Variants in OTUD7A observed in about 807,000 individuals in gnomAD.
OTUD7A encodes the protein OTU deubiquitinase 7A, also known as OTU domain-containing protein 7A.
Under a neutral mutation model 65.7 loss-of-function variants are expected in OTUD7A, and 12 were observed. The ratio of observed to expected loss-of-function variants is 0.18; its 90% confidence interval spans 0.12 to 0.30. The LOEUF is 0.30. Among genes scored for constraint, OTUD7A ranks in the 10% least tolerant of loss-of-function variants. OTUD7A has a pLI of 1.00. For synonymous variants in OTUD7A, 641 were observed against 586.3 expected (o/e 1.09, Z -1.35); for missense variants, 1,148 against 1,304.8 (o/e 0.88, Z 1.85).
chr15:31,592,528 C>T (rs945284424), intron 3 of OTUD7A, among the ~76,000 whole-genome samples: 1 of 152,080 alleles, frequency 6.6e-6, no homozygotes, highest in Non-Finnish European at 1.5e-5. Context: ...ATAACAATGT[C>T]TTCTTCTGGA....
At chr15:31,854,217 C>T (rs762484774) in intron 1 of OTUD7A, among the ~76,000 whole-genome samples, 5 of 152,104 alleles carry the variant, frequency 3.3e-5, no homozygotes, top group Non-Finnish European at 5.9e-5. Flanking sequence ...CTTATGGACC[C>T]CTTCCAGGAA....
In OTUD7A at chr15:31,570,066, G is replaced by C. The variant is rs373392736; in HGVS notation, c.283C>G (p.His95Asp). Residue 95 changes from histidine (H) to aspartate (D), a missense_variant, in exon 4 of 13, where the codon CAC (histidine) becomes GAC (aspartate). By Grantham distance (81) the His-to-Asp change is moderately conservative. Around this residue, in one of 6 missense-constraint regions of OTUD7A, gnomAD observed 51 missense variants for 46.9 expected, o/e 1.09. Coordinates refer to ENST00000307050, the MANE Select transcript of OTUD7A (RefSeq NM_001382637.1). Reference protein sequence around the residue: ...KQPEREPQPGHKVERPCLQRQ... With the variant: ...KQPEREPQPGDKVERPCLQRQ... ...TGCAGGCAGGGTCGCTCCACCTTGTGCCCGGGCTGTGGCTCTCGCTCTGGC... is the reference window on the plus strand; with the variant it reads ...TGCAGGCAGGGTCGCTCCACCTTGTCCCCGGGCTGTGGCTCTCGCTCTGGC... 1.2e-6 allele frequency: 2 copies of C among 1,614,208 alleles called. No individual in the cohort carries two copies. The highest frequency in any genetic ancestry group is 3.3e-5 in the Admixed American group (2 of 60,030).
intron 3 of OTUD7A, among the ~76,000 whole-genome samples, chr15:31,627,320 T>A (rs1890991257): frequency 7.0e-6 from 1 of 142,044 alleles, no homozygotes; most frequent in Non-Finnish European, 1.5e-5. Flanking sequence ...AATTCCCACC[T>A]ATGAGTGAGA....
chr15:31,518,876 T>A (rs1382848605), intron 8 of OTUD7A, among the ~76,000 whole-genome samples: 1 of 152,182 alleles, frequency 6.6e-6, no homozygotes, highest in Non-Finnish European at 1.5e-5. Flanking sequence ...TACAAAAGAC[T>A]CTCCAAAGGC....
intron 1 of OTUD7A, among the ~76,000 whole-genome samples, chr15:31,820,140 C>G (rs1896643757): frequency 6.6e-6 from 1 of 152,130 alleles, no homozygotes; most frequent in African/African-American, 2.4e-5. Context: ...CAATGGAAAG[C>G]TAATAATAGC....
chr15:31,522,366 C>G (rs555076895), intron 8 of OTUD7A, among the ~76,000 whole-genome samples: 1 of 152,302 alleles, frequency 6.6e-6, no homozygotes, highest in Admixed American at 6.5e-5. Context: ...CCTTCAGATT[C>G]AGACTGGATC....
At position 31,786,743 on chromosome 15, in the gene OTUD7A, A is replaced by G. The variant is rs528761317; in HGVS notation, c.-100+83764T>C. ...AGGTATAGTTGCCTTGATCTGGGAA[A>G]GGGAGGTGTAAGCAGGTCTCCCCCT... On this transcript the variant is annotated intron_variant, in intron 1 of 12. Transcript: ENST00000307050. 3.9e-5 allele frequency among the ~76,000 whole-genome samples: 6 copies of G among 152,284 alleles called. No individual in the cohort carries two copies. The South Asian group carries it at 1.2e-3, about 32-fold the overall frequency.
chr15:31,626,446 G>T (rs999186908), intron 3 of OTUD7A, among the ~76,000 whole-genome samples: 20 of 152,134 alleles, frequency 1.3e-4, no homozygotes, highest in African/African-American at 4.8e-4. Context: ...TTGCATGTTT[G>T]AAAAATTTAA....
chr15:31,548,792 A>C (rs1355807660), intron 5 of OTUD7A, among the ~76,000 whole-genome samples: 1 of 152,130 alleles, frequency 6.6e-6, no homozygotes, highest in Non-Finnish European at 1.5e-5. Flanking sequence ...AAAGGGTATG[A>C]TATCTTTGGA....
intron 1 of OTUD7A, among the ~76,000 whole-genome samples, chr15:31,728,772 A>G (rs981988326): frequency 6.6e-6 from 1 of 152,204 alleles, no homozygotes; most frequent in Non-Finnish European, 1.5e-5. Flanking sequence ...TATGCTTCAC[A>G]TTCATTGCAA....
chr15:31,780,855 G>C (rs1405548044), intron 1 of OTUD7A, among the ~76,000 whole-genome samples: 4 of 152,202 alleles, frequency 2.6e-5, no homozygotes. Context: ...TGTCTTGCAT[G>C]TTCATGTTCT....
At chr15:31,731,619 G>C (rs924529334) in intron 1 of OTUD7A, among the ~76,000 whole-genome samples, 1 of 152,176 alleles carries the variant, frequency 6.6e-6, no homozygotes, top group African/African-American at 2.4e-5. Context: ...ATACCATAAT[G>C]GTAGATGCAT....
chr15:31,728,994 A>C (rs1032492155), intron 1 of OTUD7A, among the ~76,000 whole-genome samples: 20 of 152,290 alleles, frequency 1.3e-4, no homozygotes, highest in African/African-American at 4.8e-4. Flanking sequence ...CCAGGGTCTG[A>C]AAATAGGTGA....
chr15:31,602,034 A>G (rs1172233706), intron 3 of OTUD7A, among the ~76,000 whole-genome samples: 1 of 152,230 alleles, frequency 6.6e-6, no homozygotes, highest in African/African-American at 2.4e-5. Flanking sequence ...TACAAAGAGG[A>G]GCTGGTACCA....
At chr15:31,754,793 C>G (rs974919058) in intron 1 of OTUD7A, among the ~76,000 whole-genome samples, 15 of 152,138 alleles carry the variant, frequency 9.9e-5, no homozygotes, top group African/African-American at 3.6e-4. Context: ...TAATGTGATG[C>G]TTCCAGATTT....
At chr15:31,815,795 C>T (rs34010218) in intron 1 of OTUD7A, among the ~76,000 whole-genome samples, 2,238 of 152,332 alleles carry the variant, frequency 0.015, 27 homozygotes, top group Non-Finnish European at 0.019. Flanking sequence ...CATAAATGTA[C>T]GCATTCGGTA....
chr15:31,579,890 C>A, intron 3 of OTUD7A, among the ~76,000 whole-genome samples: 1 of 152,148 alleles, frequency 6.6e-6, no homozygotes, highest in East Asian at 1.9e-4. Flanking sequence ...TTGTGTTTTC[C>A]ATTACTTGGA....
chr15:31,766,164 GA>G, intron 1 of OTUD7A: 1 of 1,486,344 alleles, frequency 6.7e-7, no homozygotes, highest in Admixed American at 1.7e-5. Flanking sequence ...CATTAAGAAA[GA>G]AACTAATCTT....
chr15:31,831,614 T>C (rs1018229083), intron 1 of OTUD7A, among the ~76,000 whole-genome samples: 2 of 152,230 alleles, frequency 1.3e-5, no homozygotes, highest in African/African-American at 4.8e-5. Context: ...AACTTCTCTG[T>C]GACCCGATAC....
Sources: allele counts gnomAD v4.1 joint callset (sites outside exome capture counted in the v4.1 genomes callset), GRCh38; gene constraint gnomAD v4.1.1; regional missense constraint gnomAD v4.1.1; transcripts MANE v1.5; gene names NCBI Gene and HGNC (gene_info 2026-07-23, HGNC 2026-07-21).